Variants in FNTA observed in about 807,000 individuals in gnomAD.
FNTA encodes farnesyltransferase, CAAX box, subunit alpha, also known as protein farnesyltransferase/geranylgeranyltransferase type-1 subunit alpha.
A neutral mutation model predicts 55.2 loss-of-function variants in FNTA; 27 were observed. The observed-to-expected ratio is 0.49, with a 90% CI of 0.36 to 0.67. The LOEUF (loss-of-function observed/expected upper bound fraction) is 0.67, where lower values mean the gene tolerates loss of function less well. Among genes scored for constraint, FNTA ranks in the 30% least tolerant of loss-of-function variants. The pLI is 0.00. For synonymous variants in FNTA, 176 were observed against 170.7 expected, an observed-to-expected ratio of 1.03 and a Z score of -0.24; for missense variants, 422 against 464.7, an observed-to-expected ratio of 0.91 and a Z score of 0.85.
chr8:43,059,952 C>T (rs549609815), intron 2 of FNTA, among the ~76,000 whole-genome samples: 1 of 152,266 alleles, frequency 6.6e-6, no homozygotes, highest in Admixed American at 6.5e-5. Flanking sequence ...AGAAATAGAT[C>T]CTCACTCTAT....
intron 8 of FNTA, 124 bp from the exon 9 acceptor site, chr8:43,085,036 A>G: frequency 8.9e-7 from 1 of 1,121,916 alleles, no homozygotes; most frequent in Non-Finnish European, 1.3e-6. Context: ...TTGGCAACAC[A>G]GCCGGTGACT....
At chr8:43,067,228 T>C (rs1418760524) in intron 3 of FNTA, among the ~76,000 whole-genome samples, 1 of 152,202 alleles carries the variant, frequency 6.6e-6, no homozygotes, top group Non-Finnish European at 1.5e-5. Context: ...GGACTCTTTA[T>C]ATAGACTTTC....
intron 1 of FNTA, chr8:43,058,837 T>C (rs1810470336): frequency 2.9e-6 from 1 of 343,658 alleles, no homozygotes; most frequent in Non-Finnish European, 5.2e-6. Flanking sequence ...TTTCTACTTA[T>C]AAAACTTTAA....
chr8:43,057,600 A>C (rs1319774146), intron 1 of FNTA, among the ~76,000 whole-genome samples: 1 of 152,216 alleles, frequency 6.6e-6, no homozygotes, highest in Non-Finnish European at 1.5e-5. Flanking sequence ...CACAATTACT[A>C]GCATTGCGCA....
At position 43,056,476 on chromosome 8, in the gene FNTA, G is replaced by C. The variant is rs749433154; in HGVS notation, c.130G>C (p.Gly44Arg). The change falls in exon 1 of 9, where the codon GGG becomes CGG. Residue 44 changes from glycine to arginine, a missense_variant. This residue lies in a region of FNTA where 160 missense variants were observed against 121.6 expected (regional missense o/e 1.32). Transcript: ENST00000302279. ...QHKEEMAAEA[G>R]EAVASPMDDG... is the part of the protein sequence containing the mutation. ...CAAGGAAGAGATGGCGGCCGAGGCT[G>C]GGGAAGCCGTGGCGTCCCCCATGGA... 1 of 1,571,250 alleles carries C rather than the reference G, an allele frequency of 6.4e-7. No individual in the cohort carries two copies. The highest frequency in any genetic ancestry group is 1.2e-5 in the South Asian group (1 of 84,844).
At chr8:43,064,078 GT>G in intron 2 of FNTA, 22 bp from the exon 3 acceptor site, 1 of 1,396,952 alleles carries the variant, frequency 7.2e-7, no homozygotes. Context: ...TGGTCCTAAT[GT>G]AGTTGTGTGC....
chr8:43,072,587 C>T (rs952265724), intron 5 of FNTA, among the ~76,000 whole-genome samples: 1 of 151,908 alleles, frequency 6.6e-6, no homozygotes, highest in African/African-American at 2.4e-5. Context: ...ATTAGCCATG[C>T]ATGGTGGCAC....
In FNTA at chr8:43,063,903, T is replaced by G. The variant is rs150988377; in HGVS notation, c.287-198T>G. On this transcript the variant is annotated intron_variant, in intron 2 of 8. Coordinates refer to ENST00000302279, the MANE Select transcript of FNTA (RefSeq NM_002027.3). ...TAAGCAGTAAGCATACAGTTATACA[T>G]AAATAGTCCATGCTTTTTGTGGCTG... Among the ~76,000 whole-genome samples the G allele has an allele frequency of 4.9e-3, 742 of 152,376 alleles. 4 individuals are homozygous for G. The highest frequency in any genetic ancestry group is 0.017 in the African/African-American group (712 of 41,588).
At chr8:43,059,247 G>A (rs1810479465) in intron 2 of FNTA, 70 bp downstream of exon 2, 1 of 1,027,274 alleles carries the variant, frequency 9.7e-7, no homozygotes, top group South Asian at 1.5e-5. Flanking sequence ...TCACAACTAT[G>A]TAGCAAGATA....
chr8:43,080,464 TATG>T (rs1425785859), intron 6 of FNTA: 1 of 152,204 alleles, frequency 6.6e-6, no homozygotes, highest in African/African-American at 2.4e-5. Context: ...TTTTTTTAGA[TATG>T]ATGCTATTGC....
Position 43,072,415 on chromosome 8 carries a change from T to C in FNTA, c.633+108T>C, listed in dbSNP as rs1563328570. On this transcript the variant is annotated intron_variant, in intron 5 of 8. Coordinates refer to ENST00000302279, the MANE Select transcript of FNTA (RefSeq NM_002027.3). ...CCAAAACACACACATACGTAGATCA[T>C]TGCACCCAATATATAACTAAAAATT... 4 of 692,396 alleles carry C rather than the reference T, an allele frequency of 5.8e-6. No individual in the cohort carries two copies. The East Asian group carries it at 1.0e-4, about 18-fold the overall frequency. The allele number at this position is 692,396 out of a possible 1,614,324, so 42.9% of individuals were successfully genotyped here.
chr8:43,064,532 C>T (rs1395922861), intron 3 of FNTA, among the ~76,000 whole-genome samples: 1 of 152,086 alleles, frequency 6.6e-6, no homozygotes, highest in South Asian at 2.1e-4. Context: ...CCAAGCTGGT[C>T]TTGAAATCCT....
intron 1 of FNTA, chr8:43,056,757 C>G (rs1471588952): frequency 2.1e-5 from 4 of 188,086 alleles, no homozygotes; most frequent in Non-Finnish European, 4.3e-5. Flanking sequence ...CGCGAAGCAG[C>G]GAGGTCTCGG....
At chr8:43,071,556 C>T (rs1810790782) in intron 4 of FNTA, among the ~76,000 whole-genome samples, 1 of 152,062 alleles carries the variant, frequency 6.6e-6, no homozygotes, top group Non-Finnish European at 1.5e-5. Context: ...CCTGTAATCC[C>T]AGCTACTCGG....
intron 3 of FNTA, among the ~76,000 whole-genome samples, chr8:43,065,076 C>T (rs1348798922): frequency 2.0e-5 from 3 of 151,546 alleles, no homozygotes; most frequent in African/African-American, 2.4e-5. Flanking sequence ...CCTCGTGATC[C>T]GCCCACCTCA....
intron 2 of FNTA, among the ~76,000 whole-genome samples, chr8:43,062,550 G>A (rs1050373988): frequency 6.6e-6 from 1 of 152,272 alleles, no homozygotes. Flanking sequence ...CCAAGGTGCT[G>A]AGATTACAGG....
At chr8:43,082,140 A>G (rs1586662208) in intron 6 of FNTA, 1 of 152,308 alleles carries the variant, frequency 6.6e-6, no homozygotes, top group Admixed American at 6.5e-5. Context: ...AGCTTTAGTC[A>G]GTGACTTACT....
At chr8:43,075,560 A>G (rs1033884449) in intron 5 of FNTA, among the ~76,000 whole-genome samples, 42 of 152,186 alleles carry the variant, frequency 2.8e-4, no homozygotes, top group African/African-American at 1.0e-3. Flanking sequence ...TCATGCCTGT[A>G]ATCCCAGCAC....
intron 6 of FNTA, chr8:43,081,174 C>G (rs1811019595): frequency 6.6e-6 from 1 of 151,846 alleles, no homozygotes; most frequent in Admixed American, 6.6e-5. Context: ...GTACTAAATT[C>G]TATAAAGTAA....
Sources: gnomAD v4.1 joint callset for allele counts (sites outside exome capture counted in the v4.1 genomes callset) on GRCh38, gnomAD v4.1.1 for gene constraint, gnomAD v4.1.1 regional missense constraint, MANE v1.5 for transcripts, NCBI Gene and HGNC (gene_info 2026-07-23, HGNC 2026-07-21) for gene names.